The following JMY variants were observed in gnomAD, a reference collection of about 807,000 sequenced individuals.
The protein encoded by JMY is junction mediating and regulatory protein, p53 cofactor.
Under a neutral mutation model 103.3 loss-of-function variants are expected in JMY, and 46 were observed. That is an observed-to-expected ratio of 0.45 (90% CI 0.35 to 0.57). The LOEUF (loss-of-function observed/expected upper bound fraction) is 0.57. JMY is among the 20% of genes least tolerant of loss of function. The pLI is 0.00. For synonymous variants in JMY, 526 were observed against 489.3 expected, an observed-to-expected ratio of 1.07 and a Z score of -0.99; for missense variants, 1,238 against 1,255.2, an observed-to-expected ratio of 0.99 and a Z score of 0.21.
At chr5:79,312,845 A>T (rs1006959982) in intron 8 of JMY, among the ~76,000 whole-genome samples, 2 of 152,158 alleles carry the variant, frequency 1.3e-5, no homozygotes, top group Non-Finnish European at 2.9e-5. Flanking sequence ...TTCCACATAC[A>T]TCAGCCTGTG....
chr5:79,310,987 A>G (rs1031503165), intron 7 of JMY, among the ~76,000 whole-genome samples: 3 of 152,126 alleles, frequency 2.0e-5, no homozygotes, highest in African/African-American at 7.2e-5. Context: ...ATAGCTGGGC[A>G]TGGTGGCGTA....
intron 9 of JMY, 134 bp from the exon 10 acceptor site, chr5:79,315,866 C>T (rs1303555067): frequency 2.6e-6 from 2 of 755,538 alleles, no homozygotes; most frequent in Non-Finnish European, 4.5e-6. Context: ...CTTCTGCACA[C>T]ATTTCATGAT....
In JMY at chr5:79,237,681, A is replaced by T. The variant is rs1744568892; in HGVS notation, c.1031A>T (p.Glu344Val). 6.2e-7 allele frequency: 1 copy of T among 1,610,056 alleles called. No homozygotes were observed. Among genetic ancestry groups the T allele is most frequent in the African/African-American group, 1.3e-5 (1 of 74,802 alleles). ...CAGCGGGCCAGGAAGCGCATCCAGG[A>T]GGTGAGTGAGTGAGCTCCTAGTCTG... ...VLQRARKRIQ[E>V]LLDKHKNTES... The change falls in exon 1 of 11, where the codon GAG (glutamate) becomes GTG (valine). Residue 344 changes from glutamate (E) to valine (V), a missense_variant and splice_region_variant. Transcript: ENST00000396137.
chr5:79,322,791 A>G lies in JMY; in HGVS notation c.*1189A>G. On this transcript the variant is annotated 3_prime_UTR_variant, in exon 11 of 11. Coordinates refer to ENST00000396137, the MANE Select transcript of JMY (RefSeq NM_152405.5). Reference sequence around the variant, plus strand: ...TGAATACATGTAGATCATTGGACTCAGTGTGCAGTACCCTGTACATATAAT... The same window carrying G: ...TGAATACATGTAGATCATTGGACTCGGTGTGCAGTACCCTGTACATATAAT... The G allele has an allele frequency of 6.6e-6, 1 of 152,246 alleles. No homozygotes were observed. The highest frequency in any genetic ancestry group is 1.9e-4 in the East Asian group (1 of 5,204). The allele number at this position is 152,246 out of a possible 1,614,324, so 9.4% of individuals were successfully genotyped here.
chr5:79,269,244 A>G (rs1400313430), intron 1 of JMY, among the ~76,000 whole-genome samples: 1 of 152,104 alleles, frequency 6.6e-6, no homozygotes, highest in Non-Finnish European at 1.5e-5. Flanking sequence ...CTGTTAAAAG[A>G]TCATTTAACT....
At chr5:79,261,947 A>C (rs1745436748) in intron 1 of JMY, among the ~76,000 whole-genome samples, 1 of 152,184 alleles carries the variant, frequency 6.6e-6, no homozygotes. Context: ...TTCTTAAGTG[A>C]ATCAATAGAG....
At chr5:79,318,782 AGAGAGAGAGAGAGAGAGAGAGG>A (rs6149079) in intron 10 of JMY, among the ~76,000 whole-genome samples, 8,479 of 101,180 alleles carry the variant, frequency 0.084, 318 homozygotes, top group African/African-American at 0.14. Flanking sequence ...AGAGAGAGAG[AGAGAGAGAGAGAGAGAGAGAGG>A]GATGCATATC....
In JMY at chr5:79,326,367, T is replaced by G. The variant is rs888582925; in HGVS notation, c.*4765T>G. 1 of 152,080 alleles carries G rather than the reference T, an allele frequency of 6.6e-6. No individual in the cohort carries two copies. The highest frequency in any genetic ancestry group is 2.4e-5 in the African/African-American group (1 of 41,418). The allele number at this position is 152,080 out of a possible 1,614,324, so 9.4% of individuals were successfully genotyped here. ...GATTTTTTTTTTTTTTACTTGCATGTTCTATGGGTAGCTATCAAAGGGTGT... is the reference window on the plus strand; with the variant it reads ...GATTTTTTTTTTTTTTACTTGCATGGTCTATGGGTAGCTATCAAAGGGTGT... On this transcript the variant is annotated 3_prime_UTR_variant, in exon 11 of 11. Transcript: ENST00000396137.
chr5:79,276,851 C>T (rs1745951497), intron 1 of JMY, among the ~76,000 whole-genome samples: 1 of 151,476 alleles, frequency 6.6e-6, no homozygotes, highest in Non-Finnish European at 1.5e-5. Flanking sequence ...GTGATCCACC[C>T]CCCACGGCCT....
chr5:79,289,672 T>C (rs189818648), intron 2 of JMY, among the ~76,000 whole-genome samples: 1 of 152,260 alleles, frequency 6.6e-6, no homozygotes, highest in African/African-American at 2.4e-5. Flanking sequence ...CTAAAGTCTT[T>C]TCAGTATGCC....
chr5:79,312,413 A>G lies in JMY; in HGVS notation c.1979A>G (p.Lys660Arg). 6.4e-7 allele frequency: 1 copy of G among 1,564,520 alleles called. No individual in the cohort carries two copies. Among genetic ancestry groups the G allele is most frequent in the Non-Finnish European group, 8.6e-7 (1 of 1,157,220 alleles). ...TTAATTTTTTACCAGAAGAGAGAAA[A>G]ATTACATGATGAAGAAGAAAGAAAA... ...THHTVQLKRE[K>R]LHDEEERKSA... Residue 660 changes from lysine to arginine, a missense_variant, in exon 8 of 11, where the codon AAA becomes AGA. Lys to Arg is a conservative substitution (Grantham distance 26). Coordinates refer to ENST00000396137, the MANE Select transcript of JMY (RefSeq NM_152405.5).
intron 1 of JMY, among the ~76,000 whole-genome samples, chr5:79,269,357 G>A (rs1745675633): frequency 6.6e-6 from 1 of 152,206 alleles, no homozygotes; most frequent in Non-Finnish European, 1.5e-5. Context: ...GCTTTAGAGT[G>A]TCTGAAAGAG....
chr5:79,300,819 C>T lies in JMY; in HGVS notation c.1837C>T (p.Arg613Cys), dbSNP rs768294607. 1.1e-5 allele frequency: 17 copies of T among 1,604,098 alleles called. No homozygotes were observed. Among genetic ancestry groups the T allele is most frequent in the Non-Finnish European group, 1.4e-5 (16 of 1,176,958 alleles). ...QQKARQLEAR[R>C]GRVSAKKSYL... Reference sequence around the variant, plus strand: ...GAAAGCACGCCAGCTGGAAGCAAGACGTGGACGGGTTTCTGCCAAGAAATC... The same window carrying T: ...GAAAGCACGCCAGCTGGAAGCAAGATGTGGACGGGTTTCTGCCAAGAAATC... The change falls in exon 6 of 11, where the codon CGT becomes TGT. Residue 613 changes from arginine to cysteine, a missense_variant. Coordinates refer to ENST00000396137, the MANE Select transcript of JMY (RefSeq NM_152405.5).
intron 7 of JMY, among the ~76,000 whole-genome samples, chr5:79,310,740 T>C (rs112178392): frequency 0.013 from 1,952 of 152,364 alleles, 40 homozygotes; most frequent in African/African-American, 0.043. Context: ...TACTTATTAA[T>C]ACTACTATTT....
chr5:79,279,778 A>G (rs975211099), intron 2 of JMY, among the ~76,000 whole-genome samples: 5 of 152,162 alleles, frequency 3.3e-5, no homozygotes, highest in African/African-American at 4.8e-5. Flanking sequence ...TAAATTTGGC[A>G]TTTGGGTTAA....
chr5:79,309,065 A>T (rs1746970240), intron 7 of JMY, among the ~76,000 whole-genome samples: 1 of 152,108 alleles, frequency 6.6e-6, no homozygotes, highest in Non-Finnish European at 1.5e-5. Flanking sequence ...ATAATCTATA[A>T]TCTAGATTTT....
chr5:79,309,976 A>AT (rs1746997061), intron 7 of JMY, among the ~76,000 whole-genome samples: 1 of 151,926 alleles, frequency 6.6e-6, no homozygotes, highest in Admixed American at 6.6e-5. Flanking sequence ...TTTAGAATGA[A>AT]TGAGTATCAG....
In JMY at chr5:79,236,964, G is replaced by C. The variant is rs1053612004; in HGVS notation, c.314G>C (p.Arg105Pro). Residue 105 changes from arginine to proline, a missense_variant, in exon 1 of 11, where the codon CGG becomes CCG. Physicochemically the swap from Arg to Pro is moderately radical, Grantham distance 103. Transcript: ENST00000396137. ...ACTCTGGTTAGGAGCCCCGGGCCCC[G>C]GCGGAGCTCGGCCTGGGCGGAGGGC... is the stretch of plus-strand genomic sequence containing the variant. ...SATLVRSPGPRRSSAWAEGGS... is the reference protein window; with the variant it reads ...SATLVRSPGPPRSSAWAEGGS... The C allele has an allele frequency of 3.3e-5, 48 of 1,449,666 alleles. No homozygotes were observed. Among genetic ancestry groups the C allele is most frequent in the Non-Finnish European group, 4.3e-5 (47 of 1,103,592 alleles). The allele number at this position is 1,449,666 out of a possible 1,614,324, so 89.8% of individuals were successfully genotyped here.
intron 1 of JMY, among the ~76,000 whole-genome samples, chr5:79,267,083 CCTCT>C (rs1286676118): frequency 2.0e-5 from 3 of 152,190 alleles, no homozygotes; most frequent in Non-Finnish European, 2.9e-5. Context: ...ATACTTCATA[CCTCT>C]CTCCTGCCTT....
Sources: allele counts gnomAD v4.1 joint callset (sites outside exome capture counted in the v4.1 genomes callset), GRCh38; gene constraint gnomAD v4.1.1; transcripts MANE v1.5; gene names NCBI Gene and HGNC (gene_info 2026-07-23, HGNC 2026-07-21).